SLC5A12: variants seen among roughly 807,000 people sequenced by gnomAD.
SLC5A12 encodes the protein sodium-coupled monocarboxylate transporter 2.
A neutral mutation model predicts 72.7 loss-of-function variants in SLC5A12; 46 were observed. The ratio of observed to expected loss-of-function variants is 0.63; its 90% CI spans 0.50 to 0.81. SLC5A12 has a LOEUF of 0.81. SLC5A12 is among the 30% of genes least tolerant of loss of function. The pLI is 0.00. For missense variants in SLC5A12, 683 were observed against 740.7 expected (o/e 0.92, Z 0.90); for synonymous variants, 275 against 264.4 (o/e 1.04, Z -0.39).
At chr11:26,687,810 C>G (rs762342017) in intron 9 of SLC5A12, among the ~76,000 whole-genome samples, 1 of 152,098 alleles carries the variant, frequency 6.6e-6, no homozygotes, top group Non-Finnish European at 1.5e-5. Flanking sequence ...TGCCAAAATT[C>G]CAAAAGTATT....
At chr11:26,689,279 T>C (rs1854609953) in intron 9 of SLC5A12, among the ~76,000 whole-genome samples, 1 of 152,032 alleles carries the variant, frequency 6.6e-6, no homozygotes, top group African/African-American at 2.4e-5. Context: ...GCGCCTGTAG[T>C]CTCAGCTACT....
At chr11:26,690,091 A>G (rs913671011) in intron 9 of SLC5A12, among the ~76,000 whole-genome samples, 7 of 152,216 alleles carry the variant, frequency 4.6e-5, no homozygotes, top group African/African-American at 1.7e-4. Context: ...TGCTATTGCT[A>G]GGTGGAAGGC....
At chr11:26,712,787 C>T in intron 1 of SLC5A12, 81 bp from the exon 2 acceptor site, 1 of 927,902 alleles carries the variant, frequency 1.1e-6, no homozygotes, top group Non-Finnish European at 1.7e-6. Flanking sequence ...CTTGGTATAT[C>T]CTCTGTTGTG....
At chr11:26,703,709 C>G (rs1019437742) in intron 5 of SLC5A12, 38 bp from the exon 6 acceptor site, 1 of 1,613,110 alleles carries the variant, frequency 6.2e-7, no homozygotes, top group Non-Finnish European at 8.5e-7. Flanking sequence ...AAAGATATTC[C>G]TTTGATGCCT....
chr11:26,682,134 T>C (rs1221783572), intron 11 of SLC5A12, among the ~76,000 whole-genome samples: 1 of 151,850 alleles, frequency 6.6e-6, no homozygotes, highest in African/African-American at 2.4e-5. Flanking sequence ...TAAGCAACTA[T>C]AGACAATACC....
At chr11:26,673,164 A>G (rs1052586566) in intron 14 of SLC5A12, among the ~76,000 whole-genome samples, 1 of 152,290 alleles carries the variant, frequency 6.6e-6, no homozygotes, top group South Asian at 2.1e-4. Context: ...AAACAGTTTG[A>G]AAACTGACCA....
intron 12 of SLC5A12, 128 bp downstream of exon 12, chr11:26,680,927 T>C (rs1312660287): frequency 1.2e-6 from 1 of 838,772 alleles, no homozygotes; most frequent in African/African-American, 1.7e-5. Flanking sequence ...CAGTGCTGGG[T>C]ACTTCCCTGA....
At chr11:26,717,024 T>C (rs116740711) in intron 1 of SLC5A12, among the ~76,000 whole-genome samples, 286 of 152,278 alleles carry the variant, frequency 1.9e-3, no homozygotes, top group African/African-American at 6.7e-3. Context: ...TAAATATCTC[T>C]TTTACAACAA....
intron 1 of SLC5A12, among the ~76,000 whole-genome samples, chr11:26,713,680 T>C (rs1855284101): frequency 6.6e-6 from 1 of 152,198 alleles, no homozygotes; most frequent in Non-Finnish European, 1.5e-5. Flanking sequence ...GTGTTGAATT[T>C]GATTATCTCT....
At chr11:26,680,293 GTATATATATTCATATATATATATGTA>G (rs1565185521) in intron 12 of SLC5A12, among the ~76,000 whole-genome samples, 12 of 109,032 alleles carry the variant, frequency 1.1e-4, no homozygotes, top group Non-Finnish European at 1.6e-4. Context: ...TTATATATAT[GTATATATATTCATATATATATATGTA>G]TATATATTCA....
rs747575010 is a variant in SLC5A12, at chr11:26,712,653, G to A, written c.393C>T (p.Tyr131=). Residue 131 remains tyrosine (Y), a synonymous_variant, in exon 2 of 15, where the codon TAC becomes TAT. Transcript: ENST00000396005. ...KPVRYAATVI[Y]IVQTILYTGV... The stretch of plus-strand genomic sequence containing the variant: ...CATGACCACTTACCGTCTGTACAAT[G>A]TAGATGACCGTGGCAGCATAGCGAA... 58 of 1,585,644 alleles carry A rather than the reference G, an allele frequency of 3.7e-5. No homozygotes were observed. Among genetic ancestry groups the A allele is most frequent in the Non-Finnish European group, 4.9e-5 (57 of 1,159,372 alleles).
intron 2 of SLC5A12, 104 bp downstream of exon 2, chr11:26,712,537 T>C (rs1330653311): frequency 3.1e-6 from 2 of 649,000 alleles, no homozygotes; most frequent in Non-Finnish European, 5.0e-6. Flanking sequence ...TAGCGTCTTC[T>C]TAGTATTAAG....
chr11:26,673,456 C>T lies in SLC5A12; in HGVS notation c.1653G>A (p.Lys551=). ...CACACCAGCATAGTGTTTTGTACTT[C>T]TTAGACCAAAAGCAAAATAAATTAC... ...PVCNLFCFWS[K]KYKTLCWCGV... Residue 551 remains lysine, a synonymous_variant, in exon 14 of 15, where the codon AAG becomes AAA. Transcript: ENST00000396005. 6.2e-7 allele frequency: 1 copy of T among 1,612,052 alleles called. No individual in the cohort carries two copies. The highest frequency in any genetic ancestry group is 8.5e-7 in the Non-Finnish European group (1 of 1,178,992).
At chr11:26,717,591 TA>T (rs1855380259) in intron 1 of SLC5A12, among the ~76,000 whole-genome samples, 3 of 152,200 alleles carry the variant, frequency 2.0e-5, no homozygotes, top group Admixed American at 2.0e-4. Context: ...TGGCATATCT[TA>T]GTCTTGAAAT....
upstream of SLC5A12, chr11:26,723,342 G>A (rs541152297): frequency 3.3e-5 from 5 of 150,692 alleles, no homozygotes; most frequent in African/African-American, 1.0e-4. Context: ...AGAGCTGTCT[G>A]TGTCCTCTGT....
Position 26,721,891 on chromosome 11 carries a change from A to G in SLC5A12, c.-177T>C. On this transcript the variant is annotated 5_prime_UTR_variant, in exon 1 of 15. Transcript: ENST00000396005. ...TTCAGACACCAACGTGTACTTAGTG[A>G]AGATCTCAAAAGTTGACTTCAAAGA... The G allele has an allele frequency of 3.3e-6, 2 of 605,758 alleles. No individual in the cohort carries two copies. Among genetic ancestry groups the G allele is most frequent in the Non-Finnish European group, 5.8e-6 (2 of 345,926 alleles). 37.5% of individuals were successfully genotyped at this position (605,758 alleles called of 1,614,324 possible).
chr11:26,718,736 A>G (rs1855411333), intron 1 of SLC5A12, among the ~76,000 whole-genome samples: 1 of 151,766 alleles, frequency 6.6e-6, no homozygotes, highest in African/African-American at 2.4e-5. Context: ...TGATCCACCC[A>G]ACTCAGCCTC....
chr11:26,721,058 G>A (rs773810845), intron 1 of SLC5A12, among the ~76,000 whole-genome samples: 5 of 151,996 alleles, frequency 3.3e-5, no homozygotes, highest in Admixed American at 6.6e-5. Context: ...GAATGATGAC[G>A]TTCACAATAA....
chr11:26,703,259 A>G lies in SLC5A12; in HGVS notation c.821+272T>C, dbSNP rs373267035. Among the ~76,000 whole-genome samples, 10 of 152,218 alleles carry G rather than the reference A, an allele frequency of 6.6e-5. No individual in the cohort carries two copies. In the South Asian group the frequency reaches 1.7e-3, roughly 25 times the overall value. On this transcript the variant is annotated intron_variant, in intron 6 of 14. Transcript: ENST00000396005. ...CCACAGTACCTAATTTAATCTAGTA[A>G]TTTCTCAATAAATGGAGGCAGCAAA...
Sources: allele counts gnomAD v4.1 joint callset (sites outside exome capture counted in the v4.1 genomes callset), GRCh38; gene constraint gnomAD v4.1.1; transcripts MANE v1.5; gene names NCBI Gene and HGNC (gene_info 2026-07-23, HGNC 2026-07-21).